The following NAV3 variants were observed in gnomAD, a reference collection of about 807,000 sequenced individuals.
NAV3 encodes neuron navigator 3.
NAV3 carries 87 observed loss-of-function variants against 244.7 expected under a neutral mutation model. That is an observed-to-expected ratio of 0.36 (90% confidence interval 0.30 to 0.42). The LOEUF (loss-of-function observed/expected upper bound fraction) is 0.42. Among genes scored for constraint, NAV3 ranks in the 20% least tolerant of loss-of-function variants. The pLI is 1.00. For synonymous variants in NAV3, 1,126 were observed against 1,042.2 expected (o/e 1.08, Z -1.55); for missense variants, 2,663 against 2,893.3 (o/e 0.92, Z 1.83).
At chr12:78,034,022 A>G (rs185887027) in intron 9 of NAV3, among the ~76,000 whole-genome samples, 1 of 152,368 alleles carries the variant, frequency 6.6e-6, no homozygotes, top group Non-Finnish European at 1.5e-5. Flanking sequence ...AACAGAGTGG[A>G]CATTAATGTC....
intron 1 of NAV3, among the ~76,000 whole-genome samples, chr12:77,914,210 G>A (rs750310082): frequency 2.0e-5 from 3 of 152,030 alleles, no homozygotes; most frequent in Non-Finnish European, 2.9e-5. Context: ...AATCTCTTTT[G>A]CAGACTAATA....
At chr12:77,762,616 A>T (rs1869531168) in intron 2 of NAV3, among the ~76,000 whole-genome samples, 1 of 152,088 alleles carries the variant, frequency 6.6e-6, no homozygotes, top group Non-Finnish European at 1.5e-5. Flanking sequence ...AAGAAAAAAA[A>T]AAATTAAAAA....
chr12:77,769,019 G>C (rs2135868741), intron 2 of NAV3, among the ~76,000 whole-genome samples: 1 of 152,228 alleles, frequency 6.6e-6, no homozygotes, highest in East Asian at 1.9e-4. Context: ...TCCTTTACAT[G>C]AATTGATATA....
At chr12:78,097,996 A>G (rs780939499) in intron 12 of NAV3, among the ~76,000 whole-genome samples, 3 of 152,146 alleles carry the variant, frequency 2.0e-5, no homozygotes, top group African/African-American at 7.2e-5. Flanking sequence ...TTTATTAAGC[A>G]GAACGCCTAT....
At chr12:77,677,817 A>G (rs1874275354) in intron 2 of NAV3, among the ~76,000 whole-genome samples, 1 of 152,228 alleles carries the variant, frequency 6.6e-6, no homozygotes, top group East Asian at 1.9e-4. Flanking sequence ...TGTAACAAAT[A>G]CATTGCGCTG....
At chr12:77,882,485 A>G (rs1882777658) in intron 1 of NAV3, among the ~76,000 whole-genome samples, 2 of 152,168 alleles carry the variant, frequency 1.3e-5, no homozygotes, top group African/African-American at 4.8e-5. Context: ...ACCCTACAAG[A>G]AAACCTAGGA....
Position 78,137,228 on chromosome 12 carries a change from G to C in NAV3, c.4493G>C (p.Arg1498Pro). Reference protein sequence around the residue: ...QFNLPGPSMMRSNSIPAQDSS... With the variant: ...QFNLPGPSMMPSNSIPAQDSS... The stretch of plus-strand genomic sequence containing the variant: ...AACCTTCCCGGGCCCAGCATGATGC[G>C]CTCAAACAGCATCCCAGCCCAAGAC... The change falls in exon 19 of 40, where the codon CGC becomes CCC. Residue 1498 changes from arginine (R) to proline (P), a missense_variant. This residue lies in a region of NAV3 where 354 missense variants were observed against 413.0 expected (regional missense o/e 0.86). Transcript: ENST00000397909. The C allele has an allele frequency of 6.2e-7, 1 of 1,613,104 alleles. No individual in the cohort carries two copies. Among genetic ancestry groups the C allele is most frequent in the Non-Finnish European group, 8.5e-7 (1 of 1,179,512 alleles).
At chr12:77,961,561 TTAAAG>T (rs1891996317) in intron 3 of NAV3, among the ~76,000 whole-genome samples, 1 of 143,196 alleles carries the variant, frequency 7.0e-6, no homozygotes, top group Admixed American at 7.2e-5. Flanking sequence ...ATATATATTA[TTAAAG>T]TAAATATTAT....
intron 1 of NAV3, among the ~76,000 whole-genome samples, chr12:77,843,317 G>A (rs1159082155): frequency 1.3e-5 from 2 of 151,960 alleles, no homozygotes; most frequent in Non-Finnish European, 2.9e-5. Flanking sequence ...GACTATTTCG[G>A]TAAATGTAAA....
At chr12:78,067,797 C>A (rs1885197483) in intron 12 of NAV3, among the ~76,000 whole-genome samples, 1 of 152,050 alleles carries the variant, frequency 6.6e-6, no homozygotes, top group South Asian at 2.1e-4. Context: ...TGACATTAAA[C>A]TTGATCAATT....
At chr12:78,123,646 T>G (rs1955778231) in intron 16 of NAV3, among the ~76,000 whole-genome samples, 1 of 152,176 alleles carries the variant, frequency 6.6e-6, no homozygotes, top group Non-Finnish European at 1.5e-5. Context: ...GATAAAGTAA[T>G]TTTAACACTA....
At chr12:78,186,363 A>G (rs61936252) in intron 31 of NAV3, among the ~76,000 whole-genome samples, 5,137 of 152,018 alleles carry the variant, frequency 0.034, 110 homozygotes, top group African/African-American at 0.054. Flanking sequence ...TCAAGCAAAT[A>G]AAAATTCTTT....
chr12:77,779,327 T>TA (rs1179520138), intron 2 of NAV3, among the ~76,000 whole-genome samples: 2 of 152,206 alleles, frequency 1.3e-5, no homozygotes, highest in African/African-American at 4.8e-5. Flanking sequence ...ACCATTCCAG[T>TA]AAAATGGACT....
intron 24 of NAV3, among the ~76,000 whole-genome samples, chr12:78,169,775 T>C (rs1957928136): frequency 6.6e-6 from 1 of 151,752 alleles, no homozygotes; most frequent in African/African-American, 2.4e-5. Flanking sequence ...GACACTAAAT[T>C]CAGTAAAACG....
At chr12:78,145,715 A>G (rs1956837627) in intron 20 of NAV3, among the ~76,000 whole-genome samples, 1 of 152,186 alleles carries the variant, frequency 6.6e-6, no homozygotes, top group Non-Finnish European at 1.5e-5. Flanking sequence ...TGCATAGCCA[A>G]AAATGTTTGC....
intron 2 of NAV3, among the ~76,000 whole-genome samples, chr12:77,579,134 T>C (rs1346983386): frequency 6.6e-6 from 1 of 152,222 alleles, no homozygotes; most frequent in Non-Finnish European, 1.5e-5. Context: ...GGATCATTTC[T>C]AAAAAGCTTT....
At chr12:77,623,944 C>T (rs537563597) in intron 2 of NAV3, among the ~76,000 whole-genome samples, 2 of 152,312 alleles carry the variant, frequency 1.3e-5, no homozygotes, top group South Asian at 4.1e-4. Flanking sequence ...TGTATCTAAA[C>T]TCATCCATTC....
intron 2 of NAV3, among the ~76,000 whole-genome samples, chr12:77,605,241 C>T (rs1870618441): frequency 1.3e-5 from 2 of 152,084 alleles, no homozygotes; most frequent in Admixed American, 1.3e-4. Context: ...TCAGTTTACT[C>T]TTCTGTAAAA....
At chr12:78,127,278 C>T in intron 17 of NAV3, 70 bp downstream of exon 17, 1 of 1,462,830 alleles carries the variant, frequency 6.8e-7, no homozygotes. Flanking sequence ...GTCTCTCTTC[C>T]TTCTTTGTTT....
Sources: gnomAD v4.1 joint callset for allele counts (sites outside exome capture counted in the v4.1 genomes callset) on GRCh38, gnomAD v4.1.1 for gene constraint, gnomAD v4.1.1 regional missense constraint, MANE v1.5 for transcripts, NCBI Gene and HGNC (gene_info 2026-07-23, HGNC 2026-07-21) for gene names.